KCNG2: variants seen among roughly 807,000 people sequenced by gnomAD.
The protein encoded by KCNG2 is potassium voltage-gated channel modifier subfamily G member 2, also known as voltage-gated potassium channel regulatory subunit KCNG2.
Under a neutral mutation model 12.3 loss-of-function variants are expected in KCNG2, and 7 were observed. That is an observed-to-expected ratio of 0.57 (90% CI 0.32 to 1.07). The LOEUF (loss-of-function observed/expected upper bound fraction) is 1.07. Among genes scored for constraint, KCNG2 ranks in the 50% least tolerant of loss-of-function variants. KCNG2 has a pLI of 0.04. For missense variants in KCNG2, 703 were observed against 726.0 expected (o/e 0.97, Z 0.36); for synonymous variants, 414 against 351.4 (o/e 1.18, Z -1.99).
chr18:79,871,842 G>A (rs942371931), intron 3 of KCNG2, among the ~76,000 whole-genome samples: 5 of 152,236 alleles, frequency 3.3e-5, no homozygotes, highest in African/African-American at 1.2e-4. Flanking sequence ...TACCAGGGAG[G>A]CAGGTGCCAG....
chr18:79,859,861 T>C (rs932607553), intron 2 of KCNG2, among the ~76,000 whole-genome samples: 6 of 152,232 alleles, frequency 3.9e-5, no homozygotes, highest in Non-Finnish European at 8.8e-5. Flanking sequence ...ACACTCTTGA[T>C]TGCTGTAGCT....
At chr18:79,802,729 CTTT>C (rs34196939) in intron 1 of KCNG2, among the ~76,000 whole-genome samples, 7 of 146,864 alleles carry the variant, frequency 4.8e-5, no homozygotes, top group Admixed American at 4.7e-4. Context: ...GAGTTCCTGG[CTTT>C]TTTTTTTTTC....
Position 79,868,234 on chromosome 18 carries a change from C to A in KCNG2, c.624+3943C>A, listed in dbSNP as rs530201435. ...AAACCCCAGATCCTCTCAGGGACAACCCTGGGCTCCGTGGCACCCAGCCCT... is the reference window on the plus strand; with the variant it reads ...AAACCCCAGATCCTCTCAGGGACAAACCTGGGCTCCGTGGCACCCAGCCCT... On this transcript the variant is annotated intron_variant, in intron 3 of 3. Coordinates refer to ENST00000316249, the MANE Select transcript of KCNG2 (RefSeq NM_012283.2). Among the ~76,000 whole-genome samples, 5 of 152,364 alleles carry A rather than the reference C, an allele frequency of 3.3e-5. No individual in the cohort carries two copies. In the South Asian group the frequency reaches 8.3e-4, roughly 25 times the overall value.
intron 1 of KCNG2, among the ~76,000 whole-genome samples, chr18:79,837,765 G>A (rs1210157685): frequency 2.0e-5 from 3 of 152,146 alleles, no homozygotes; most frequent in Admixed American, 2.0e-4. Context: ...ACATCTTCCT[G>A]TCTTCTTCTG....
rs1381529871 is a variant in KCNG2, at chr18:79,800,298, G to A, written c.-115+2284G>A. On this transcript the variant is annotated intron_variant, in intron 1 of 3. Coordinates refer to ENST00000316249, the MANE Select transcript of KCNG2 (RefSeq NM_012283.2). The surrounding 1 kb of genome is among the most constrained non-coding windows in gnomAD (Gnocchi z 4.0). ...GTACTGCGCGCCTGTCCACGGATGG[G>A]TAATTTTGTAATGAATGGGGATATC... Among the ~76,000 whole-genome samples the A allele has an allele frequency of 2.0e-5, 3 of 152,126 alleles. No individual in the cohort carries two copies. The South Asian group carries it at 6.2e-4, about 32-fold the overall frequency.
At chr18:79,898,480 G>T (rs1479532596) in intron 3 of KCNG2, among the ~76,000 whole-genome samples, 1 of 152,204 alleles carries the variant, frequency 6.6e-6, no homozygotes, top group Non-Finnish European at 1.5e-5. Flanking sequence ...ACTCCCCAAG[G>T]ACGTAGCCCC....
At chr18:79,854,110 G>A (rs901235188) in intron 1 of KCNG2, among the ~76,000 whole-genome samples, 2 of 152,256 alleles carry the variant, frequency 1.3e-5, no homozygotes, top group South Asian at 2.1e-4. Flanking sequence ...TTTCCTGGTC[G>A]TGGGCTCAGG....
At chr18:79,826,115 T>C (rs1599373420) in intron 1 of KCNG2, among the ~76,000 whole-genome samples, 1 of 152,214 alleles carries the variant, frequency 6.6e-6, no homozygotes, top group African/African-American at 2.4e-5. Context: ...TGACACACTG[T>C]GGGCGACAGG....
intron 2 of KCNG2, among the ~76,000 whole-genome samples, chr18:79,858,198 C>T (rs1382602874): frequency 1.4e-4 from 21 of 152,088 alleles, no homozygotes; most frequent in African/African-American, 4.8e-4. Context: ...GACAGGGTTT[C>T]GCCATGTTGA....
chr18:79,829,123 T>C (rs981034386), intron 1 of KCNG2, among the ~76,000 whole-genome samples: 1 of 143,232 alleles, frequency 7.0e-6, no homozygotes, highest in Non-Finnish European at 1.5e-5. Context: ...GTCCATGATG[T>C]GTGCATGTGT....
intron 1 of KCNG2, among the ~76,000 whole-genome samples, chr18:79,831,822 G>A (rs931227206): frequency 1.3e-5 from 2 of 152,178 alleles, no homozygotes; most frequent in East Asian, 1.9e-4. Context: ...AGGATGTGCC[G>A]TCCTCCCACC....
At chr18:79,886,945 GACAGGGAC>G in intron 3 of KCNG2, among the ~76,000 whole-genome samples, 1 of 7,472 alleles carries the variant, frequency 1.3e-4, no homozygotes, top group Non-Finnish European at 3.8e-3. Flanking sequence ...GGGACGTGGG[GACAGGGAC>G]ATGGGGACAC....
intron 1 of KCNG2, among the ~76,000 whole-genome samples, chr18:79,853,987 G>A (rs1393765933): frequency 6.6e-6 from 1 of 152,260 alleles, no homozygotes; most frequent in Non-Finnish European, 1.5e-5. Flanking sequence ...AGTTTCCAGT[G>A]GAATCCACCA....
rs1311750620 is a variant in KCNG2, at chr18:79,866,040, AGAGGTCTGTGTTCT to A, written c.624+1758_624+1771del. 4.2e-5 allele frequency among the ~76,000 whole-genome samples: 6 copies of A among 142,522 alleles called. No homozygotes were observed. The East Asian group carries it at 1.1e-3, about 26-fold the overall frequency. 93.5% of individuals were successfully genotyped at this position (142,522 alleles called of 152,430 possible). ...TGGGTGCTGAGAGGTCTGTGTGCTGAGAGGTCTGTGTTCTGAGGTCTGGGTGCTGAGAGGTCTGT... is the reference window on the plus strand; with the variant it reads ...TGGGTGCTGAGAGGTCTGTGTGCTGAGAGGTCTGGGTGCTGAGAGGTCTGT... On this transcript the variant is annotated intron_variant, in intron 3 of 3. Transcript: ENST00000316249.
intron 3 of KCNG2, among the ~76,000 whole-genome samples, chr18:79,891,492 A>C (rs1044925487): frequency 2.0e-5 from 3 of 151,960 alleles, no homozygotes; most frequent in African/African-American, 7.3e-5. Flanking sequence ...CGGCCTCCCA[A>C]AATGCTGGAG....
chr18:79,839,908 C>T (rs2123036040), intron 1 of KCNG2, among the ~76,000 whole-genome samples: 1 of 152,230 alleles, frequency 6.6e-6, no homozygotes, highest in East Asian at 1.9e-4. Context: ...ATGCAAAAAA[C>T]TTTTTAAATA....
chr18:79,870,216 A>C (rs746567607), intron 3 of KCNG2, among the ~76,000 whole-genome samples: 1 of 152,230 alleles, frequency 6.6e-6, no homozygotes, highest in African/African-American at 2.4e-5. Flanking sequence ...CCCTGTGAAC[A>C]TACAGACGGG....
intron 1 of KCNG2, among the ~76,000 whole-genome samples, chr18:79,854,525 A>T (rs1978939707): frequency 9.2e-6 from 1 of 109,118 alleles, no homozygotes. Context: ...ATTGCCTTTC[A>T]TTGGCTTTTT....
intron 3 of KCNG2, among the ~76,000 whole-genome samples, chr18:79,893,068 T>C (rs977572975): frequency 3.3e-5 from 5 of 151,986 alleles, no homozygotes; most frequent in African/African-American, 9.7e-5. Flanking sequence ...TTTGATTGGG[T>C]TGTTCGCTCC....
Sources: gnomAD v4.1 joint callset for allele counts (sites outside exome capture counted in the v4.1 genomes callset) on GRCh38, gnomAD v4.1.1 for gene constraint, Gnocchi (gnomAD v3.1) non-coding constraint, MANE v1.5 for transcripts, NCBI Gene and HGNC (gene_info 2026-07-23, HGNC 2026-07-21) for gene names.